Variants in DAB1 observed in about 807,000 individuals in gnomAD.
DAB1 encodes the protein DAB adaptor protein 1, also known as disabled homolog 1.
A neutral mutation model predicts 64.6 loss-of-function variants in DAB1; 15 were observed. That is an observed-to-expected ratio of 0.23 (90% CI 0.16 to 0.36). The LOEUF is 0.36. Ranked by LOEUF, DAB1 falls within the 10% of genes least tolerant of loss-of-function variation. DAB1 has a pLI of 1.00. For missense variants in DAB1, 596 were observed against 706.7 expected, an observed-to-expected ratio of 0.84 and a Z score of 1.78; for synonymous variants, 235 against 251.9, an observed-to-expected ratio of 0.93 and a Z score of 0.64.
At chr1:57,288,821 A>C (rs1421851780) in intron 2 of DAB1, among the ~76,000 whole-genome samples, 1 of 152,052 alleles carries the variant, frequency 6.6e-6, no homozygotes, top group Non-Finnish European at 1.5e-5. Flanking sequence ...AAAAAGAGGA[A>C]GAAGATCACA....
chr1:58,233,818 T>C (rs552069404), intron 4 of DAB1, among the ~76,000 whole-genome samples: 1 of 152,178 alleles, frequency 6.6e-6, no homozygotes, highest in Non-Finnish European at 1.5e-5. Flanking sequence ...CTAGAACACA[T>C]GACAGTTTCT....
At chr1:58,415,754 C>A (rs1199069432) in intron 3 of DAB1, among the ~76,000 whole-genome samples, 1 of 152,236 alleles carries the variant, frequency 6.6e-6, no homozygotes, top group Admixed American at 6.5e-5. Context: ...CATCTCTGCC[C>A]TCAGTGAGTC....
chr1:58,532,921 T>C (rs1448683294), intron 1 of DAB1, among the ~76,000 whole-genome samples: 3 of 152,228 alleles, frequency 2.0e-5, no homozygotes, highest in African/African-American at 7.2e-5. Flanking sequence ...CCATCTCATC[T>C]TATTAATAGT....
intron 2 of DAB1, among the ~76,000 whole-genome samples, chr1:57,212,079 A>G (rs1370872210): frequency 6.6e-6 from 1 of 152,216 alleles, no homozygotes; most frequent in African/African-American, 2.4e-5. Context: ...GAATGCATGC[A>G]TGCTATAATT....
chr1:57,318,549 C>T (rs1279637377), intron 1 of DAB1, among the ~76,000 whole-genome samples: 2 of 152,050 alleles, frequency 1.3e-5, no homozygotes, highest in Non-Finnish European at 2.9e-5. Context: ...CTCGCTAGTT[C>T]CCTGCTGCCT....
intron 4 of DAB1, among the ~76,000 whole-genome samples, chr1:57,108,175 A>G (rs972895772): frequency 6.6e-6 from 1 of 152,168 alleles, no homozygotes; most frequent in African/African-American, 2.4e-5. Context: ...ATCCCAGCAC[A>G]ATATATTATC....
intron 4 of DAB1, among the ~76,000 whole-genome samples, chr1:58,240,451 A>G (rs867905854): frequency 2.6e-5 from 4 of 152,274 alleles, no homozygotes; most frequent in Middle Eastern, 3.4e-3. Flanking sequence ...ACCTTACACA[A>G]TTTCACAGCT....
chr1:57,136,201 TC>T (rs139194235), intron 4 of DAB1, among the ~76,000 whole-genome samples: 1,529 of 152,260 alleles, frequency 0.01, 26 homozygotes, highest in East Asian at 0.056. Context: ...TACATGTATC[TC>T]CCTCTAGGAC....
intron 3 of DAB1, among the ~76,000 whole-genome samples, chr1:58,503,020 T>C (rs1645930797): frequency 6.6e-6 from 1 of 152,226 alleles, no homozygotes; most frequent in South Asian, 2.1e-4. Flanking sequence ...AATTCATTAT[T>C]ATTTTAAAGA....
At chr1:57,092,840 G>T (rs1653818191) in intron 4 of DAB1, among the ~76,000 whole-genome samples, 1 of 151,988 alleles carries the variant, frequency 6.6e-6, no homozygotes, top group Non-Finnish European at 1.5e-5. Flanking sequence ...ACATTTAAAA[G>T]CTATAAAACT....
intron 3 of DAB1, among the ~76,000 whole-genome samples, chr1:57,143,294 CA>C (rs2100816775): frequency 1.3e-5 from 2 of 152,302 alleles, no homozygotes; most frequent in Admixed American, 1.3e-4. Context: ...ATCCAAGTCA[CA>C]TCCTCCAGGC....
chr1:57,295,994 T>A (rs1464229970), intron 1 of DAB1, among the ~76,000 whole-genome samples: 2 of 152,152 alleles, frequency 1.3e-5, no homozygotes, highest in African/African-American at 4.8e-5. Flanking sequence ...CAGAATTGGA[T>A]GGCACACACC....
intron 6 of DAB1, among the ~76,000 whole-genome samples, chr1:57,768,800 C>T (rs1329915945): frequency 6.6e-6 from 1 of 152,032 alleles, no homozygotes; most frequent in Non-Finnish European, 1.5e-5. Context: ...TAATCCAGTC[C>T]ACCAAATATT....
At chr1:58,310,622 T>G (rs1338482537) in intron 4 of DAB1, among the ~76,000 whole-genome samples, 2 of 152,174 alleles carry the variant, frequency 1.3e-5, no homozygotes, top group Non-Finnish European at 2.9e-5. Flanking sequence ...AGGTGTCCTG[T>G]GCACACAGAC....
intron 6 of DAB1, among the ~76,000 whole-genome samples, chr1:57,781,318 A>C (rs1025340369): frequency 1.3e-5 from 2 of 151,622 alleles, no homozygotes; most frequent in African/African-American, 4.8e-5. Flanking sequence ...GGCTACTTTC[A>C]CTTAAACTAC....
chr1:57,982,354 A>G (rs924072554), intron 5 of DAB1, among the ~76,000 whole-genome samples: 1 of 152,204 alleles, frequency 6.6e-6, no homozygotes, highest in African/African-American at 2.4e-5. Context: ...CAATGGCTGC[A>G]CTTGTCTAGC....
chr1:58,503,480 A>G (rs1398316551), intron 3 of DAB1, among the ~76,000 whole-genome samples: 5 of 152,112 alleles, frequency 3.3e-5, no homozygotes, highest in African/African-American at 9.7e-5. Flanking sequence ...TCTAGTTAAG[A>G]TAGCTGCTGA....
intron 3 of DAB1, among the ~76,000 whole-genome samples, chr1:58,356,396 C>T (rs1644111856): frequency 6.6e-6 from 1 of 152,272 alleles, no homozygotes; most frequent in East Asian, 1.9e-4. Context: ...AAAATATATA[C>T]ATGCATACAT....
rs972122958 is a variant in DAB1, at chr1:57,565,694, G to A, written n.625+83898C>T. Among the ~76,000 whole-genome samples, 4 of 152,314 alleles carry A rather than the reference G, an allele frequency of 2.6e-5. No individual in the cohort carries two copies. In the East Asian group the frequency reaches 5.8e-4, roughly 22 times the overall value. ...AGACAAAGAAGGCCATTACATAATG[G>A]TAAAGGGGTCAATTCAACAAGAAGA... is the stretch of plus-strand genomic sequence containing the variant. On this transcript the variant is annotated intron_variant and non_coding_transcript_variant, in intron 7 of 20. Coordinates refer to the DAB1 transcript ENST00000485760.
Sources: gnomAD v4.1 joint callset for allele counts (sites outside exome capture counted in the v4.1 genomes callset) on GRCh38, gnomAD v4.1.1 for gene constraint, MANE v1.5 for transcripts, NCBI Gene and HGNC (gene_info 2026-07-23, HGNC 2026-07-21) for gene names.